STOX1: variants seen among roughly 807,000 people sequenced by gnomAD.
STOX1 encodes storkhead box 1.
In STOX1, 57 loss-of-function variants were observed where a neutral mutation model predicts 74.8. The observed-to-expected ratio is 0.76, with a 90% CI of 0.62 to 0.95. The LOEUF (loss-of-function observed/expected upper bound fraction) is 0.95, where lower values mean the gene tolerates loss of function less well. Ranked by LOEUF, STOX1 falls within the 40% of genes least tolerant of loss-of-function variation. The pLI is 0.00. For synonymous variants in STOX1, 375 were observed against 401.3 expected (o/e 0.93, Z 0.78); for missense variants, 1,010 against 1,117.0 (o/e 0.90, Z 1.37).
chr10:68,846,846 T>A (rs1260832973), intron 1 of STOX1: 1 of 152,166 alleles, frequency 6.6e-6, no homozygotes, highest in Non-Finnish European at 1.5e-5. Context: ...TCAAACGATA[T>A]AGAGAAGATT....
intron 1 of STOX1, among the ~76,000 whole-genome samples, chr10:68,855,124 ATTTTTTT>A (rs56333446): frequency 7.3e-6 from 1 of 136,478 alleles, no homozygotes; most frequent in Non-Finnish European, 1.6e-5. Flanking sequence ...TTAAAAAAAA[ATTTTTTT>A]TTTTTTTTTG....
At chr10:68,879,446 A>G (rs1840756512) in intron 1 of STOX1, among the ~76,000 whole-genome samples, 1 of 151,964 alleles carries the variant, frequency 6.6e-6, no homozygotes, top group Admixed American at 6.6e-5. Context: ...CATCTTCCTC[A>G]TTTGTAAGCT....
At chr10:68,873,901 G>A (rs1252435674) in intron 1 of STOX1, among the ~76,000 whole-genome samples, 2 of 149,416 alleles carry the variant, frequency 1.3e-5, no homozygotes, top group South Asian at 2.1e-4. Context: ...CACCCGCCTC[G>A]GCCTCTCAAA....
intron 1 of STOX1, among the ~76,000 whole-genome samples, chr10:68,850,340 C>T (rs963100236): frequency 2.6e-5 from 4 of 152,158 alleles, no homozygotes; most frequent in Admixed American, 2.6e-4. Flanking sequence ...GCTTATTTCT[C>T]TAGCCCTGCA....
At chr10:68,856,242 A>G (rs1840123892) in intron 1 of STOX1, among the ~76,000 whole-genome samples, 2 of 152,048 alleles carry the variant, frequency 1.3e-5, no homozygotes, top group African/African-American at 4.8e-5. Context: ...TTTTTTTCCA[A>G]AGTTTTGCTC....
chr10:68,834,119 T>C (rs1839481434), intron 1 of STOX1, among the ~76,000 whole-genome samples: 1 of 152,160 alleles, frequency 6.6e-6, no homozygotes. Context: ...AGGGAAGTGA[T>C]GGGAGGATCT....
At chr10:68,841,945 C>A (rs886499905) in intron 1 of STOX1, among the ~76,000 whole-genome samples, 1 of 152,140 alleles carries the variant, frequency 6.6e-6, no homozygotes, top group Non-Finnish European at 1.5e-5. Context: ...TGTCTCAGAG[C>A]CCCATTGTGG....
At chr10:68,854,732 C>T (rs1316695844) in intron 1 of STOX1, among the ~76,000 whole-genome samples, 1 of 152,076 alleles carries the variant, frequency 6.6e-6, no homozygotes, top group African/African-American at 2.4e-5. Flanking sequence ...GTGTTTTTTA[C>T]CAGAGATAAA....
At position 68,892,903 on chromosome 10, in the gene STOX1, T is replaced by C. The variant is rs1364380726; in HGVS notation, c.*167T>C. The C allele has an allele frequency of 1.2e-5, 9 of 745,782 alleles. No homozygotes were observed. In the Middle Eastern group the frequency reaches 1.2e-3, roughly 96 times the overall value. The allele number at this position is 745,782 out of a possible 1,614,324, so 46.2% of individuals were successfully genotyped here. On this transcript the variant is annotated 3_prime_UTR_variant, in exon 4 of 4. Transcript: ENST00000298596. ...CTAATTACTGGCTTTTTTTCCTCTTTTGGTGTCTTAAGGCTTTTTGAAGCT... is the reference window on the plus strand; with the variant it reads ...CTAATTACTGGCTTTTTTTCCTCTTCTGGTGTCTTAAGGCTTTTTGAAGCT...
intron 1 of STOX1, among the ~76,000 whole-genome samples, chr10:68,848,693 C>T (rs538798297): frequency 6.6e-6 from 1 of 152,128 alleles, no homozygotes; most frequent in African/African-American, 2.4e-5. Context: ...TTGAGACAGT[C>T]TCACTCTGTC....
At chr10:68,880,564 A>G (rs184736707) in intron 1 of STOX1, among the ~76,000 whole-genome samples, 1 of 151,568 alleles carries the variant, frequency 6.6e-6, no homozygotes, top group East Asian at 1.9e-4. Flanking sequence ...CCTTCTAAGC[A>G]TTTGATACTG....
chr10:68,892,325 C>T (rs926117574), intron 3 of STOX1, among the ~76,000 whole-genome samples: 1 of 151,634 alleles, frequency 6.6e-6, no homozygotes, highest in Non-Finnish European at 1.5e-5. Context: ...CTGACTAGAA[C>T]ATACTTGATA....
At chr10:68,842,973 G>A (rs1475583157) in intron 1 of STOX1, among the ~76,000 whole-genome samples, 2 of 152,176 alleles carry the variant, frequency 1.3e-5, no homozygotes, top group Non-Finnish European at 2.9e-5. Flanking sequence ...ATGGAAGGGA[G>A]ATGTAGGGTC....
At chr10:68,834,870 G>A (rs774922890) in intron 1 of STOX1, among the ~76,000 whole-genome samples, 13 of 151,956 alleles carry the variant, frequency 8.6e-5, no homozygotes, top group South Asian at 6.2e-4. Context: ...GATTACAGGC[G>A]TCTGCCTCCA....
At chr10:68,855,781 T>C (rs1042654460) in intron 1 of STOX1, among the ~76,000 whole-genome samples, 1 of 151,666 alleles carries the variant, frequency 6.6e-6, no homozygotes, top group African/African-American at 2.4e-5. Context: ...AGACTCTTAA[T>C]GTGTCCTCTC....
At chr10:68,828,340 C>G in intron 1 of STOX1, 1 of 1,057,532 alleles carries the variant, frequency 9.5e-7, no homozygotes, top group Non-Finnish European at 1.2e-6. Context: ...GCTGCAGGGG[C>G]GAGCGCGGCC....
chr10:68,843,791 C>T (rs1280683948), intron 1 of STOX1, among the ~76,000 whole-genome samples: 1 of 152,082 alleles, frequency 6.6e-6, no homozygotes, highest in Non-Finnish European at 1.5e-5. Context: ...ACTCCTTGAC[C>T]TCAGATGATC....
At chr10:68,871,226 C>T (rs1840528941) in intron 1 of STOX1, among the ~76,000 whole-genome samples, 2 of 152,174 alleles carry the variant, frequency 1.3e-5, no homozygotes, top group African/African-American at 4.8e-5. Flanking sequence ...TCTCTATCCG[C>T]AGTGAGGGTG....
chr10:68,883,322 G>C (rs1840855826), intron 2 of STOX1, among the ~76,000 whole-genome samples: 1 of 139,994 alleles, frequency 7.1e-6, no homozygotes, highest in Non-Finnish European at 1.6e-5. Context: ...ATTTATAATG[G>C]GTTTTTATTT....
Sources: gnomAD v4.1 joint callset for allele counts (sites outside exome capture counted in the v4.1 genomes callset) on GRCh38, gnomAD v4.1.1 for gene constraint, MANE v1.5 for transcripts, NCBI Gene and HGNC (gene_info 2026-07-23, HGNC 2026-07-21) for gene names.